TSGA10: variants seen among roughly 807,000 people sequenced by gnomAD.
TSGA10 encodes the protein testis-specific gene 10 protein.
In TSGA10, 43 loss-of-function variants were observed where a neutral mutation model predicts 96.6. The ratio of observed to expected loss-of-function variants is 0.44; its 90% CI spans 0.35 to 0.57. The LOEUF (loss-of-function observed/expected upper bound fraction) is 0.57, where lower values mean the gene tolerates loss of function less well. TSGA10 is among the 20% of genes least tolerant of loss of function. The pLI is 0.01. For missense variants in TSGA10, 703 were observed against 834.4 expected, an observed-to-expected ratio of 0.84 and a Z score of 1.94; for synonymous variants, 229 against 269.9, an observed-to-expected ratio of 0.85 and a Z score of 1.48.
chr2:99,103,982 T>C lies in TSGA10; in HGVS notation c.596A>G (p.Glu199Gly). The C allele has an allele frequency of 2.5e-6, 4 of 1,614,092 alleles. No individual in the cohort carries two copies. Among genetic ancestry groups the C allele is most frequent in the Non-Finnish European group, 3.4e-6 (4 of 1,179,982 alleles). ...TESELGRQKA[E>G]NNSLRLLYEN... ...TTTAGTTTACCTCAAAGAATTATTC[T>C]CTGCTTTTTGTCTGCCAAGTTCACT... Residue 199 changes from glutamate to glycine, a missense_variant, in exon 10 of 21, where the codon GAG becomes GGG. Glu to Gly is a moderately conservative substitution (Grantham distance 98). This residue lies in a region of TSGA10 where 585 missense variants were observed against 656.8 expected (regional missense o/e 0.89). Coordinates refer to ENST00000393483, the MANE Select transcript of TSGA10 (RefSeq NM_025244.4).
intron 20 of TSGA10, among the ~76,000 whole-genome samples, chr2:99,014,192 C>T (rs762802348): frequency 4.6e-5 from 7 of 150,922 alleles, no homozygotes; most frequent in South Asian, 4.2e-4. Context: ...AAAATAAGCC[C>T]GGCATTGTGA....
intron 20 of TSGA10, among the ~76,000 whole-genome samples, chr2:99,005,873 C>T (rs1403710818): frequency 1.3e-5 from 2 of 152,186 alleles, no homozygotes; most frequent in South Asian, 2.1e-4. Flanking sequence ...GGAGGCATCA[C>T]GTTACCTGAC....
chr2:99,072,045 A>G (rs1026615642), intron 13 of TSGA10, among the ~76,000 whole-genome samples, 171 bp from the exon 14 acceptor site: 2 of 152,386 alleles, frequency 1.3e-5, no homozygotes, highest in East Asian at 1.9e-4. Context: ...GAGTTTCTCA[A>G]TGTTGCCATC....
At chr2:99,116,342 AT>A (rs200775358) in intron 4 of TSGA10, among the ~76,000 whole-genome samples, 1,630 of 141,198 alleles carry the variant, frequency 0.012, 9 homozygotes, top group Middle Eastern at 0.031. Context: ...TCTAAATTTC[AT>A]GGCAAAGTAC....
intron 1 of TSGA10, among the ~76,000 whole-genome samples, chr2:99,143,578 C>A (rs1325900792): frequency 6.6e-6 from 1 of 151,776 alleles, no homozygotes; most frequent in African/African-American, 2.4e-5. Context: ...TGAAGCAGTT[C>A]TCCTGCCTTA....
intron 1 of TSGA10, chr2:99,150,729 T>A (rs368624669): frequency 1.2e-6 from 2 of 1,614,062 alleles, no homozygotes; most frequent in Non-Finnish European, 1.7e-6. Flanking sequence ...AAGAAAACTT[T>A]ACAAGGATTG....
intron 17 of TSGA10, among the ~76,000 whole-genome samples, chr2:99,034,288 G>C (rs1418518126): frequency 6.6e-6 from 1 of 151,972 alleles, no homozygotes; most frequent in African/African-American, 2.4e-5. Flanking sequence ...TGTAATCCCA[G>C]CTACTCGGGA....
chr2:99,003,582 T>G (rs532444199), intron 20 of TSGA10, among the ~76,000 whole-genome samples: 5 of 152,108 alleles, frequency 3.3e-5, no homozygotes, highest in Non-Finnish European at 7.4e-5. Context: ...TGAAAGAACA[T>G]AAATTATAAC....
rs779464599 is a variant in TSGA10, at chr2:99,109,464, C to G, written c.-25G>C. The G allele has an allele frequency of 3.1e-6, 5 of 1,611,370 alleles. No homozygotes were observed. The highest frequency in any genetic ancestry group is 4.2e-6 in the Non-Finnish European group (5 of 1,178,316). ...TCTTTCTCAAATGTTGAGCTTCACT[C>G]TTATAGTGATCTTTGTCTGCTTCCA... On this transcript the variant is annotated 5_prime_UTR_variant, in exon 6 of 21. Transcript: ENST00000393483.
chr2:99,073,378 C>T (rs900212785), intron 12 of TSGA10, among the ~76,000 whole-genome samples: 1 of 152,082 alleles, frequency 6.6e-6, no homozygotes, highest in Admixed American at 6.6e-5. Flanking sequence ...ACCCTATAAC[C>T]ACCTGTTTTT....
intron 20 of TSGA10, among the ~76,000 whole-genome samples, chr2:99,009,416 C>G (rs2078805196): frequency 6.6e-6 from 1 of 151,314 alleles, no homozygotes; most frequent in Admixed American, 6.6e-5. Flanking sequence ...ACTAAAAATA[C>G]AAAAAATTAG....
At chr2:99,005,170 A>C (rs535215313) in intron 20 of TSGA10, among the ~76,000 whole-genome samples, 5 of 152,160 alleles carry the variant, frequency 3.3e-5, no homozygotes, top group African/African-American at 9.7e-5. Flanking sequence ...CTTATGACAA[A>C]CCCACAGCCA....
At chr2:99,049,742 A>G (rs2083190251) in intron 16 of TSGA10, among the ~76,000 whole-genome samples, 1 of 53,480 alleles carries the variant, frequency 1.9e-5, no homozygotes, top group Non-Finnish European at 3.0e-5. Flanking sequence ...AAAAAAAAGA[A>G]AAAAAAAAAG....
chr2:99,011,250 A>G (rs373148178), intron 20 of TSGA10, among the ~76,000 whole-genome samples: 1 of 152,144 alleles, frequency 6.6e-6, no homozygotes, highest in Admixed American at 6.5e-5. Context: ...CTCCTGCCTC[A>G]GCCTCCCAAG....
At chr2:99,040,276 A>G (rs2082064231) in intron 16 of TSGA10, among the ~76,000 whole-genome samples, 1 of 152,214 alleles carries the variant, frequency 6.6e-6, no homozygotes, top group Non-Finnish European at 1.5e-5. Context: ...CAGAGCAATC[A>G]GACAACAGAA....
intron 20 of TSGA10, among the ~76,000 whole-genome samples, chr2:99,013,485 A>G (rs934592622): frequency 4.0e-5 from 6 of 151,624 alleles, no homozygotes; most frequent in African/African-American, 1.5e-4. Flanking sequence ...GGTGCCTGCC[A>G]CCACGCCCGG....
intron 10 of TSGA10, among the ~76,000 whole-genome samples, chr2:99,100,662 T>C (rs2090588620): frequency 6.6e-6 from 1 of 150,916 alleles, no homozygotes; most frequent in Admixed American, 6.6e-5. Flanking sequence ...CTACTAAAAA[T>C]ACAAAAAATT....
chr2:99,031,855 A>G (rs1185902937), intron 17 of TSGA10, among the ~76,000 whole-genome samples: 1 of 152,130 alleles, frequency 6.6e-6, no homozygotes, highest in Non-Finnish European at 1.5e-5. Context: ...TCAGTTGTGC[A>G]CTCTTTAAAG....
intron 13 of TSGA10, 145 bp from the exon 14 acceptor site, chr2:99,072,019 CAA>C (rs141451735): frequency 0.021 from 14,114 of 660,358 alleles, 263 homozygotes; most frequent in East Asian, 0.073. Flanking sequence ...ATAAATACTG[CAA>C]AGACAGTGCA....
Sources: allele counts gnomAD v4.1 joint callset (sites outside exome capture counted in the v4.1 genomes callset), GRCh38; gene constraint gnomAD v4.1.1; regional missense constraint gnomAD v4.1.1; transcripts MANE v1.5; gene names NCBI Gene and HGNC (gene_info 2026-07-23, HGNC 2026-07-21).